The following KIAA0319 variants were observed in gnomAD, a reference collection of about 807,000 sequenced individuals.
The protein encoded by KIAA0319 is KIAA0319, also known as dyslexia-associated protein KIAA0319.
In KIAA0319, 83 loss-of-function variants were observed where a neutral mutation model predicts 108.4. That is an observed-to-expected ratio of 0.77 (90% CI 0.64 to 0.92). The LOEUF (loss-of-function observed/expected upper bound fraction) is 0.92. Ranked by LOEUF, KIAA0319 falls within the 40% of genes least tolerant of loss-of-function variation. KIAA0319 has a pLI of 0.00. For missense variants in KIAA0319, 1,195 were observed against 1,322.4 expected, an observed-to-expected ratio of 0.90 and a Z score of 1.49; for synonymous variants, 484 against 510.4, an observed-to-expected ratio of 0.95 and a Z score of 0.70.
intron 1 of KIAA0319, among the ~76,000 whole-genome samples, chr6:24,641,755 T>C (rs1776919736): frequency 6.6e-6 from 1 of 151,946 alleles, no homozygotes; most frequent in Non-Finnish European, 1.5e-5. Context: ...TCTTAGGCCT[T>C]GTATGGTGGC....
chr6:24,615,189 C>A (rs1772980721), intron 1 of KIAA0319, among the ~76,000 whole-genome samples: 1 of 152,068 alleles, frequency 6.6e-6, no homozygotes, highest in Non-Finnish European at 1.5e-5. Flanking sequence ...TACAAATGTA[C>A]ATTATAGCAT....
intron 1 of KIAA0319, among the ~76,000 whole-genome samples, chr6:24,626,913 G>C (rs936035502): frequency 2.6e-5 from 4 of 152,124 alleles, no homozygotes; most frequent in African/African-American, 9.7e-5. Flanking sequence ...GTTCCAATTT[G>C]CAGGAAGGTA....
intron 9 of KIAA0319, among the ~76,000 whole-genome samples, chr6:24,576,981 T>G (rs1486892127): frequency 6.6e-6 from 1 of 152,048 alleles, no homozygotes; most frequent in African/African-American, 2.4e-5. Context: ...ATGCCAAATC[T>G]CAAGGTAAAC....
At chr6:24,629,514 C>CAAAAAAAAAAAAAAAAAA (rs397974257) in intron 1 of KIAA0319, among the ~76,000 whole-genome samples, 3 of 42,390 alleles carry the variant, frequency 7.1e-5, no homozygotes, top group African/African-American at 1.1e-4. Context: ...GACTCTGTCT[C>CAAAAAAAAAAAAAAAAAA]AAAAAAAAAA....
downstream of KIAA0319, among the ~76,000 whole-genome samples, chr6:24,541,307 G>A (rs974260176): frequency 8.6e-5 from 13 of 152,044 alleles, no homozygotes; most frequent in African/African-American, 2.9e-4. Context: ...CTGTGCCTGC[G>A]TGCCCCAGAT....
At chr6:24,612,118 C>T (rs915739991) in intron 1 of KIAA0319, among the ~76,000 whole-genome samples, 1 of 150,636 alleles carries the variant, frequency 6.6e-6, no homozygotes, top group South Asian at 2.1e-4. Flanking sequence ...CAAATTAAAA[C>T]AGTGAGATGC....
At chr6:24,562,649 G>C (rs1208317420) in intron 16 of KIAA0319, among the ~76,000 whole-genome samples, 1 of 152,114 alleles carries the variant, frequency 6.6e-6, no homozygotes, top group Non-Finnish European at 1.5e-5. Flanking sequence ...AGACCAGCCT[G>C]GTCAACAAGA....
intron 1 of KIAA0319, among the ~76,000 whole-genome samples, chr6:24,643,611 TATG>T (rs1777242790): frequency 6.6e-6 from 1 of 152,224 alleles, no homozygotes; most frequent in Admixed American, 6.5e-5. Context: ...TTATGCATTT[TATG>T]ATGATTTGAT....
At position 24,599,846 on chromosome 6, in the gene KIAA0319, G is replaced by T. The variant is rs1295161532; in HGVS notation, c.55+1203C>A. 6.9e-6 allele frequency: 3 copies of T among 433,872 alleles called. No homozygotes were observed. Among genetic ancestry groups the T allele is most frequent in the Non-Finnish European group, 1.3e-5 (3 of 230,026 alleles). 26.9% of individuals were successfully genotyped at this position (433,872 alleles called of 1,614,324 possible). A position where few individuals can be genotyped will look rare whatever the true frequency, so the allele number is the denominator to read the frequency against. On this transcript the variant is annotated intron_variant, in intron 2 of 20. Coordinates refer to ENST00000378214, the MANE Select transcript of KIAA0319 (RefSeq NM_014809.4). The surrounding 1 kb of genome is among the most constrained non-coding windows in gnomAD (Gnocchi z 4.1). ...CTCCTGTGACTGCCCCAGAGCCTGT[G>T]GGGGAGGCCACTGTGCAGGGGAGCA...
At chr6:24,551,310 T>A (rs1561907933) in intron 20 of KIAA0319, 124 bp downstream of exon 20, 1 of 702,070 alleles carries the variant, frequency 1.4e-6, no homozygotes, top group Non-Finnish European at 2.5e-6. Context: ...CCAGCCTCAC[T>A]CTTCCTTCCC....
At chr6:24,555,735 T>C (rs1299330665) in intron 18 of KIAA0319, among the ~76,000 whole-genome samples, 1 of 152,180 alleles carries the variant, frequency 6.6e-6, no homozygotes, top group Non-Finnish European at 1.5e-5. Context: ...GGGCACCAGC[T>C]TGCCCTGCTG....
At chr6:24,583,799 A>T (rs1767017925) in intron 4 of KIAA0319, 97 bp from the exon 5 acceptor site, 2 of 773,890 alleles carry the variant, frequency 2.6e-6, no homozygotes, top group Non-Finnish European at 4.2e-6. Flanking sequence ...ATAAATTAAA[A>T]TAACATATGC....
At chr6:24,642,617 A>G (rs769340882) in intron 1 of KIAA0319, among the ~76,000 whole-genome samples, 41 of 152,210 alleles carry the variant, frequency 2.7e-4, no homozygotes, top group Admixed American at 2.6e-4. Flanking sequence ...GCTTAATAGC[A>G]TGGAATGACC....
At chr6:24,542,718 C>G (rs1463380720), downstream of KIAA0319, among the ~76,000 whole-genome samples, 3 of 152,188 alleles carry the variant, frequency 2.0e-5, no homozygotes, top group Non-Finnish European at 4.4e-5. Flanking sequence ...CTGTCTCAAA[C>G]AAACAAAAAA....
At chr6:24,631,909 C>G (rs6923867) in intron 1 of KIAA0319, among the ~76,000 whole-genome samples, 107,313 of 152,204 alleles carry the variant, frequency 0.71, 38,414 homozygotes, top group East Asian at 0.87. Flanking sequence ...TGGATGCTTT[C>G]TATGTCAGTG....
At chr6:24,558,365 CTAGATAGA>C (rs59328032) in intron 17 of KIAA0319, among the ~76,000 whole-genome samples, 63,047 of 150,772 alleles carry the variant, frequency 0.42, 15,732 homozygotes, top group Non-Finnish European at 0.56. Context: ...ATATATATAT[CTAGATAGA>C]TAGATAGATA....
At chr6:24,554,729 G>A (rs1485277469) in intron 18 of KIAA0319, 98 bp from the exon 19 acceptor site, 1 of 841,928 alleles carries the variant, frequency 1.2e-6, no homozygotes, top group East Asian at 2.4e-5. Flanking sequence ...ATCCCTACAA[G>A]GAAAGGCCAC....
intron 1 of KIAA0319, among the ~76,000 whole-genome samples, chr6:24,627,518 T>C (rs1212957094): frequency 6.6e-6 from 1 of 152,178 alleles, no homozygotes; most frequent in Non-Finnish European, 1.5e-5. Flanking sequence ...CTTCCTTGTT[T>C]TCTTCTGAAA....
At chr6:24,634,859 G>A (rs1348664064) in intron 1 of KIAA0319, among the ~76,000 whole-genome samples, 1 of 152,200 alleles carries the variant, frequency 6.6e-6, no homozygotes, top group Non-Finnish European at 1.5e-5. Context: ...AGATGATTTT[G>A]AGAGCTTCAA....
Sources: allele counts gnomAD v4.1 joint callset (sites outside exome capture counted in the v4.1 genomes callset), GRCh38; gene constraint gnomAD v4.1.1; non-coding constraint Gnocchi (gnomAD v3.1); transcripts MANE v1.5; gene names NCBI Gene and HGNC (gene_info 2026-07-23, HGNC 2026-07-21).